Variants in KCTD20 observed in about 807,000 individuals in gnomAD.
KCTD20 encodes potassium channel tetramerization domain containing 20.
In KCTD20, 30 loss-of-function variants were observed where a neutral mutation model predicts 39.6. The ratio of observed to expected loss-of-function variants is 0.76; its 90% CI spans 0.57 to 1.03. The LOEUF is 1.03. KCTD20 is among the 50% of genes least tolerant of loss of function. KCTD20 has a pLI of 0.00. For synonymous variants in KCTD20, 162 were observed against 180.6 expected, an observed-to-expected ratio of 0.90 and a Z score of 0.83; for missense variants, 422 against 522.0, an observed-to-expected ratio of 0.81 and a Z score of 1.87.
chr6:36,485,642 C>T (rs905282216), intron 7 of KCTD20, among the ~76,000 whole-genome samples: 2 of 151,944 alleles, frequency 1.3e-5, no homozygotes, highest in African/African-American at 4.8e-5. Flanking sequence ...TACAGGCACC[C>T]GCAACCATGC....
chr6:36,477,727 C>G (rs1191754824), intron 3 of KCTD20, among the ~76,000 whole-genome samples: 1 of 149,986 alleles, frequency 6.7e-6, no homozygotes, highest in East Asian at 2.0e-4. Flanking sequence ...CCTCATGATC[C>G]GCCCATCTCG....
intron 1 of KCTD20, among the ~76,000 whole-genome samples, chr6:36,467,799 G>T (rs1273602928): frequency 6.6e-6 from 1 of 152,052 alleles, no homozygotes; most frequent in Non-Finnish European, 1.5e-5. Context: ...GAGTAAAATT[G>T]TATTAATAGA....
rs1276616888 is a variant in KCTD20, at chr6:36,487,218, G to A, written c.*43G>A. On this transcript the variant is annotated 3_prime_UTR_variant, in exon 8 of 8. Transcript: ENST00000373731. Reference sequence around the variant, plus strand: ...CTCCTTGTTGGAGCCCATCTCACCTGGGATGCCTGCAGCCAGCCCTCCCTC... The same window carrying A: ...CTCCTTGTTGGAGCCCATCTCACCTAGGATGCCTGCAGCCAGCCCTCCCTC... The A allele has an allele frequency of 6.4e-7, 1 of 1,567,212 alleles. No individual in the cohort carries two copies.
Position 36,444,314 on chromosome 6 carries a change from C to T in KCTD20, c.-47+1203C>T, listed in dbSNP as rs143062285. Among the ~76,000 whole-genome samples the T allele has an allele frequency of 3.1e-3, 478 of 152,290 alleles. 2 individuals carry two copies. Among genetic ancestry groups the T allele is most frequent in the African/African-American group, 0.01 (436 of 41,564 alleles). The stretch of plus-strand genomic sequence containing the variant: ...TTAACCCTTTGTCGATGTTTTCCTC[C>T]CCTGCCCTAAACCAGTCGTAGGACA... On this transcript the variant is annotated intron_variant, in intron 1 of 7. Coordinates refer to ENST00000373731, the MANE Select transcript of KCTD20 (RefSeq NM_173562.5).
chr6:36,487,387 G>T lies in KCTD20; in HGVS notation c.*212G>T. The T allele has an allele frequency of 1.8e-6, 1 of 562,054 alleles. No homozygotes were observed. The highest frequency in any genetic ancestry group is 3.1e-6 in the Non-Finnish European group (1 of 322,354). 34.8% of individuals were successfully genotyped at this position (562,054 alleles called of 1,614,324 possible). ...TCACTGGTAATTAGCTACCATCTTT[G>T]CAGCAGCCCTGGTAACTTGAAAAAT... is the stretch of plus-strand genomic sequence containing the variant. On this transcript the variant is annotated 3_prime_UTR_variant, in exon 8 of 8. Coordinates refer to ENST00000373731, the MANE Select transcript of KCTD20 (RefSeq NM_173562.5).
At chr6:36,486,436 T>G (rs1358463983) in intron 7 of KCTD20, among the ~76,000 whole-genome samples, 2 of 152,230 alleles carry the variant, frequency 1.3e-5, no homozygotes, top group Non-Finnish European at 2.9e-5. Context: ...TTTCACATAT[T>G]TTAGGCAGCA....
At position 36,469,107 on chromosome 6, in the gene KCTD20, T is replaced by A. The variant is rs1775840483; in HGVS notation, c.-46-945T>A. Among the ~76,000 whole-genome samples, 1 of 152,230 alleles carries A rather than the reference T, an allele frequency of 6.6e-6. No individual in the cohort carries two copies. Among genetic ancestry groups the A allele is most frequent in the Non-Finnish European group, 1.5e-5 (1 of 68,044 alleles). ...TATTAAAATGCATTACTGCCCTTAG[T>A]GAGCTTCCTGTTTCCTAAAATATTA... On this transcript the variant is annotated intron_variant, in intron 1 of 7. Transcript: ENST00000373731. This position sits in a 1 kb window ranked among gnomAD's most constrained non-coding sequence, Gnocchi z 4.6.
chr6:36,473,053 C>T (rs1317454506), intron 2 of KCTD20, among the ~76,000 whole-genome samples: 2 of 150,578 alleles, frequency 1.3e-5, no homozygotes, highest in African/African-American at 2.4e-5. Context: ...GCACCCACCA[C>T]CACTTCTGGC....
At chr6:36,457,367 A>T (rs1444007138) in intron 1 of KCTD20, among the ~76,000 whole-genome samples, 1 of 152,192 alleles carries the variant, frequency 6.6e-6, no homozygotes, top group Non-Finnish European at 1.5e-5. Flanking sequence ...AATTTTACCA[A>T]TACTGAGCAT....
intron 4 of KCTD20, among the ~76,000 whole-genome samples, 182 bp downstream of exon 4, chr6:36,479,405 C>G (rs1388291268): frequency 6.6e-6 from 1 of 152,140 alleles, no homozygotes; most frequent in Non-Finnish European, 1.5e-5. Flanking sequence ...TGAGCTCTAT[C>G]AGTTACCAAG....
At chr6:36,459,276 A>G (rs1336332719) in intron 1 of KCTD20, among the ~76,000 whole-genome samples, 3 of 152,184 alleles carry the variant, frequency 2.0e-5, no homozygotes, top group African/African-American at 7.2e-5. Context: ...ATGCCACTGC[A>G]CTCCAGCCTG....
chr6:36,465,390 T>G (rs74603751), intron 1 of KCTD20, among the ~76,000 whole-genome samples: 3,080 of 150,618 alleles, frequency 0.02, 105 homozygotes, highest in East Asian at 0.13. Flanking sequence ...TTTTTTTGTT[T>G]TTTTTTTTTT....
At chr6:36,465,741 A>G (rs1775731892) in intron 1 of KCTD20, 1 of 152,106 alleles carries the variant, frequency 6.6e-6, no homozygotes, top group South Asian at 2.1e-4. Context: ...CCTTCATGGG[A>G]GGCCTGTGAA....
At position 36,481,725 on chromosome 6, in the gene KCTD20, C is replaced by G. The variant is rs1776257245; in HGVS notation, c.822C>G (p.Asp274Glu). Reference sequence around the variant, plus strand: ...AGGATTCTGTGGACTGGGATGAAGACCACCCTCCACCAATGGGGGAGGAAT... The same window carrying G: ...AGGATTCTGTGGACTGGGATGAAGAGCACCCTCCACCAATGGGGGAGGAAT... Reference protein sequence around the residue: ...TDEDSVDWDEDHPPPMGEEYS... With the variant: ...TDEDSVDWDEEHPPPMGEEYS... Residue 274 changes from aspartate (D) to glutamate (E), a missense_variant, in exon 6 of 8, where the codon GAC becomes GAG. Asp to Glu is a conservative substitution (Grantham distance 45). Transcript: ENST00000373731. 1 of 1,614,042 alleles carries G rather than the reference C, an allele frequency of 6.2e-7. No homozygotes were observed. The highest frequency in any genetic ancestry group is 1.3e-5 in the African/African-American group (1 of 74,920).
intron 1 of KCTD20, among the ~76,000 whole-genome samples, chr6:36,459,086 A>C (rs1050253489): frequency 1.3e-5 from 2 of 152,202 alleles, no homozygotes; most frequent in African/African-American, 4.8e-5. Context: ...TGGGTGGATC[A>C]CTTGATATCA....
At chr6:36,470,340 T>A in intron 2 of KCTD20, 83 bp downstream of exon 2, 2 of 1,277,976 alleles carry the variant, frequency 1.6e-6, no homozygotes, top group Non-Finnish European at 2.2e-6. Context: ...TGAATGTTTT[T>A]AATCTAAATA....
In KCTD20 at chr6:36,479,162, A is replaced by G. The variant is rs770854254; in HGVS notation, c.476A>G (p.Asn159Ser). 25 of 1,613,934 alleles carry G rather than the reference A, an allele frequency of 1.5e-5. No homozygotes were observed. The highest frequency in any genetic ancestry group is 1.9e-5 in the Non-Finnish European group (22 of 1,179,926). ...PGREYNFTRP[N>S]EKGEYEIAEG... is the part of the protein sequence containing the mutation. ...AGAGAGTACAACTTCACTCGGCCCAATGAGAAGGGAGAGTATGAGATTGCT... is the reference window on the plus strand; with the variant it reads ...AGAGAGTACAACTTCACTCGGCCCAGTGAGAAGGGAGAGTATGAGATTGCT... The change falls in exon 4 of 8, where the codon AAT becomes AGT. Residue 159 changes from asparagine (N) to serine (S), a missense_variant. Coordinates refer to ENST00000373731, the MANE Select transcript of KCTD20 (RefSeq NM_173562.5).
rs796865236 is a variant in KCTD20 at position 36,483,680 on chromosome 6, A to AT, written c.857-1024dup. On this transcript the variant is annotated intron_variant, in intron 6 of 7. Transcript: ENST00000373731. ...AGGTGTGTGCCACCATGATTGGCTA[A>AT]TTTTTTTTTTAATTTTGTGTAGAAA... is the stretch of plus-strand genomic sequence containing the variant. Among the ~76,000 whole-genome samples the AT allele has an allele frequency of 4.0e-3, 594 of 149,794 alleles. 4 individuals carry two copies. The highest frequency in any genetic ancestry group is 0.013 in the African/African-American group (550 of 40,788).
Position 36,471,037 on chromosome 6 carries a change from G to A in KCTD20, c.160+780G>A, listed in dbSNP as rs1208988222. The stretch of plus-strand genomic sequence containing the variant: ...GTGGTGGCAGATGCCTGTAATCTCA[G>A]CTACTTGGGAGTATGAGGCACAAGA... On this transcript the variant is annotated intron_variant, in intron 2 of 7. Transcript: ENST00000373731. Among the ~76,000 whole-genome samples the A allele has an allele frequency of 2.0e-5, 3 of 151,956 alleles. 1 individual carries two copies. The highest frequency in any genetic ancestry group is 6.3e-3 in the Middle Eastern group (2 of 316).
Sources: gnomAD v4.1 joint callset for allele counts (sites outside exome capture counted in the v4.1 genomes callset) on GRCh38, gnomAD v4.1.1 for gene constraint, Gnocchi (gnomAD v3.1) non-coding constraint, MANE v1.5 for transcripts, NCBI Gene and HGNC (gene_info 2026-07-23, HGNC 2026-07-21) for gene names.